Variants in ABCC9 observed in about 807,000 individuals in gnomAD.
The protein encoded by ABCC9 is ATP-binding cassette sub-family C member 9.
A neutral mutation model predicts 188.3 loss-of-function variants in ABCC9; 95 were observed. That is an observed-to-expected ratio of 0.50 (90% CI 0.43 to 0.60). The LOEUF (loss-of-function observed/expected upper bound fraction) is 0.60. Among genes scored for constraint, ABCC9 ranks in the 20% least tolerant of loss-of-function variants. The pLI is 0.00. For synonymous variants in ABCC9, 659 were observed against 652.7 expected (o/e 1.01, Z -0.15); for missense variants, 1,102 against 1,876.3 (o/e 0.59, Z 7.62).
At chr12:21,898,162 A>G (rs749506632) in intron 12 of ABCC9, among the ~76,000 whole-genome samples, 14 of 152,194 alleles carry the variant, frequency 9.2e-5, no homozygotes, top group Non-Finnish European at 2.9e-5. Flanking sequence ...TGTCTCAAAC[A>G]ATATATAAAA....
chr12:21,822,158 C>T (rs929805469), intron 31 of ABCC9, among the ~76,000 whole-genome samples: 3 of 151,968 alleles, frequency 2.0e-5, no homozygotes, highest in Non-Finnish European at 2.9e-5. Flanking sequence ...GCTTGAAAGC[C>T]AATATATCTG....
At position 21,936,707 on chromosome 12, in the gene ABCC9, G is replaced by C. The variant is rs751977120; in HGVS notation, c.-20-13C>G. 1 of 1,578,842 alleles carries C rather than the reference G, an allele frequency of 6.3e-7. No homozygotes were observed. The highest frequency in any genetic ancestry group is 8.7e-7 in the Non-Finnish European group (1 of 1,151,966). The stretch of plus-strand genomic sequence containing the variant: ...TATATGGTTTACTCTAAAAGGGAGA[G>C]AAATGAGAAAGAAAAATCCTCTTAT... On this transcript the variant is annotated splice_polypyrimidine_tract_variant and intron_variant, in intron 2 of 39. Transcript: ENST00000261200.
intron 12 of ABCC9, among the ~76,000 whole-genome samples, chr12:21,901,882 T>A (rs1450169500): frequency 6.6e-6 from 1 of 152,088 alleles, no homozygotes; most frequent in African/African-American, 2.4e-5. Context: ...ACTGTCAACA[T>A]TAGACAGATC....
chr12:21,908,468 C>T (rs149716249), intron 10 of ABCC9, among the ~76,000 whole-genome samples: 2 of 152,122 alleles, frequency 1.3e-5, no homozygotes, highest in African/African-American at 4.8e-5. Context: ...ATCTGTACAA[C>T]TGATGTCAAA....
At chr12:21,841,640 G>A (rs1045274365) in intron 29 of ABCC9, among the ~76,000 whole-genome samples, 1 of 151,400 alleles carries the variant, frequency 6.6e-6, no homozygotes, top group Non-Finnish European at 1.5e-5. Flanking sequence ...TACAGGCATG[G>A]GCCACCACGC....
At chr12:21,881,155 G>T (rs1003938491) in intron 16 of ABCC9, among the ~76,000 whole-genome samples, 4 of 152,038 alleles carry the variant, frequency 2.6e-5, no homozygotes, top group Non-Finnish European at 4.4e-5. Context: ...CCACAGGGTG[G>T]CAATTATATC....
Position 21,823,362 on chromosome 12 carries a change from A to G in ABCC9, c.3670-5111T>C, listed in dbSNP as rs146989105. On this transcript the variant is annotated intron_variant, in intron 31 of 39. Transcript: ENST00000261200. ...CTTGTAAATAGTTAATAGCAACCCA[A>G]AAGTATGTGATCCCTCTCCTTCATA... Among the ~76,000 whole-genome samples the G allele has an allele frequency of 3.5e-3, 533 of 152,306 alleles. 1 individual carries two copies. Among genetic ancestry groups the G allele is most frequent in the Non-Finnish European group, 5.8e-3 (395 of 68,026 alleles).
At chr12:21,876,468 G>A (rs940679054) in intron 16 of ABCC9, among the ~76,000 whole-genome samples, 3 of 152,024 alleles carry the variant, frequency 2.0e-5, no homozygotes, top group African/African-American at 4.8e-5. Flanking sequence ...GAACTGTGTA[G>A]GCCAACTATT....
chr12:21,925,682 C>G (rs1041358681), intron 5 of ABCC9: 2 of 623,422 alleles, frequency 3.2e-6, no homozygotes, highest in African/African-American at 3.7e-5. Context: ...TTTCTTCCCC[C>G]ACCCCCCTAC....
At chr12:21,860,671 G>A (rs1298501100) in intron 21 of ABCC9, among the ~76,000 whole-genome samples, 1 of 152,164 alleles carries the variant, frequency 6.6e-6, no homozygotes, top group Non-Finnish European at 1.5e-5. Context: ...ACCTATTACA[G>A]CAAGCTCCAC....
rs112181879 is a variant in ABCC9 at position 21,821,326 on chromosome 12, A to G, written c.3670-3075T>C. Among the ~76,000 whole-genome samples the G allele has an allele frequency of 2.4e-3, 364 of 152,292 alleles. 1 individual carries two copies. Among genetic ancestry groups the G allele is most frequent in the African/African-American group, 8.3e-3 (347 of 41,570 alleles). ...TGACTGTCTCTTAAAAAGCTTTGCT[A>G]TGTTTAAGTGTTATGAGTTATTTCC... On this transcript the variant is annotated intron_variant, in intron 31 of 39. Coordinates refer to ENST00000261200, the MANE Select transcript of ABCC9 (RefSeq NM_020297.4).
At position 21,916,970 on chromosome 12, in the gene ABCC9, C is replaced by CA; in HGVS notation, c.539dup (p.Leu180PhefsTer27). 6.2e-7 allele frequency: 1 copy of CA among 1,613,756 alleles called. No individual in the cohort carries two copies. The highest frequency in any genetic ancestry group is 8.5e-7 in the Non-Finnish European group (1 of 1,179,774). On this transcript the variant is annotated frameshift_variant, in exon 6 of 40. Coordinates refer to ENST00000261200, the MANE Select transcript of ABCC9 (RefSeq NM_020297.4). LOFTEE classifies it high-confidence loss of function. ...GAATGACATTGATCTCCACAGCCAT[C>CA]AAGAGCCCATTCAAGATGACCATCA...
At chr12:21,812,839 A>G (rs758483398) in intron 35 of ABCC9, among the ~76,000 whole-genome samples, 5 of 152,196 alleles carry the variant, frequency 3.3e-5, no homozygotes, top group African/African-American at 1.2e-4. Flanking sequence ...CCCAGAACTT[A>G]AAGTATAATA....
Position 21,839,176 on chromosome 12 carries a change from G to A in ABCC9, c.3474-1006C>T, listed in dbSNP as rs543244672. On this transcript the variant is annotated intron_variant, in intron 29 of 39. Coordinates refer to ENST00000261200, the MANE Select transcript of ABCC9 (RefSeq NM_020297.4). ...TAAGAGGTTTTTAAAAAAATGTTCA[G>A]AATTAATGTGATGCTGGTCAAGTTT... Among the ~76,000 whole-genome samples, 3 of 152,310 alleles carry A rather than the reference G, an allele frequency of 2.0e-5. No individual in the cohort carries two copies. In the South Asian group the frequency reaches 6.2e-4, roughly 32 times the overall value.
At chr12:21,932,264 T>C (rs1358465406) in intron 4 of ABCC9, among the ~76,000 whole-genome samples, 2 of 152,004 alleles carry the variant, frequency 1.3e-5, no homozygotes, top group Non-Finnish European at 2.9e-5. Context: ...TCTTATTTTA[T>C]AAAAATAACA....
intron 21 of ABCC9, among the ~76,000 whole-genome samples, chr12:21,860,590 A>G (rs998173790): frequency 2.0e-5 from 3 of 152,196 alleles, no homozygotes; most frequent in African/African-American, 7.2e-5. Flanking sequence ...AAGAAAAAAG[A>G]GCACTTTAAT....
At chr12:21,809,414 C>T (rs1942076337) in intron 37 of ABCC9, among the ~76,000 whole-genome samples, 1 of 152,114 alleles carries the variant, frequency 6.6e-6, no homozygotes, top group Non-Finnish European at 1.5e-5. Flanking sequence ...CTCCTGGCAG[C>T]AGAGAAAATG....
At chr12:21,805,146 C>CGA in intron 39 of ABCC9, 1 of 1,613,846 alleles carries the variant, frequency 6.2e-7, no homozygotes, top group Non-Finnish European at 8.5e-7. Context: ...CGGAGAATGA[C>CGA]AGACTTGGTG....
intron 12 of ABCC9, among the ~76,000 whole-genome samples, chr12:21,897,272 T>C (rs1283804): frequency 0.59 from 89,367 of 151,950 alleles, 26,551 homozygotes; most frequent in East Asian, 0.8. Context: ...GGGTTTTTTT[T>C]CCTCATAAAT....
Sources: gnomAD v4.1 joint callset for allele counts (sites outside exome capture counted in the v4.1 genomes callset) on GRCh38, gnomAD v4.1.1 for gene constraint, MANE v1.5 for transcripts, NCBI Gene and HGNC (gene_info 2026-07-23, HGNC 2026-07-21) for gene names.